Variants in PAK2 observed in about 807,000 individuals in gnomAD.
PAK2 encodes p21 (RAC1) activated kinase 2.
PAK2 carries 21 observed loss-of-function variants against 65.9 expected under a neutral mutation model. That is an observed-to-expected ratio of 0.32 (90% CI 0.23 to 0.46). The LOEUF is 0.46. PAK2 is among the 20% of genes least tolerant of loss of function. PAK2 has a pLI of 1.00. For missense variants in PAK2, 324 were observed against 642.6 expected (o/e 0.50, Z 5.36); for synonymous variants, 204 against 219.7 (o/e 0.93, Z 0.63).
intron 1 of PAK2, among the ~76,000 whole-genome samples, chr3:196,759,511 T>TTG (rs1560092856): frequency 2.0e-5 from 1 of 49,626 alleles, no homozygotes; most frequent in African/African-American, 7.6e-5. Context: ...TTTTTTTTTT[T>TTG]TTTTTTTTTT....
In PAK2 at chr3:196,812,765, G is replaced by T; in HGVS notation, c.849G>T (p.Gln283His). 1 of 1,536,342 alleles carries T rather than the reference G, an allele frequency of 6.5e-7. No homozygotes were observed. The highest frequency in any genetic ancestry group is 9.0e-7 in the Non-Finnish European group (1 of 1,111,692). Residue 283 changes from glutamine to histidine, a missense_variant, in exon 10 of 15, where the codon CAG becomes CAT. By Grantham distance (24) the Gln-to-His change is conservative. Around this residue, in one of 5 missense-constraint regions of PAK2, gnomAD observed 183 missense variants for 246.2 expected, o/e 0.74. Coordinates refer to ENST00000327134, the MANE Select transcript of PAK2 (RefSeq NM_002577.4). ...QEVAIKQINL[Q>H]KQPKKELIIN... is the part of the protein sequence containing the mutation. The stretch of plus-strand genomic sequence containing the variant: ...TTGCTATCAAACAAATTAATTTACA[G>T]AAACAGCCAAAGAAGGAACTGATCA...
chr3:196,820,960 C>T lies in PAK2; in HGVS notation c.1350+393C>T, dbSNP rs1711624020. ...GTTCAAGCGATCCTCCTACTTCAGC[C>T]TCCTGAGTAGCTGGGACTATGGGTG... On this transcript the variant is annotated intron_variant, in intron 13 of 14. Coordinates refer to ENST00000327134, the MANE Select transcript of PAK2 (RefSeq NM_002577.4). The surrounding 1 kb of genome is among the most constrained non-coding windows in gnomAD (Gnocchi z 4.6). 6.6e-6 allele frequency among the ~76,000 whole-genome samples: 1 copy of T among 152,088 alleles called. No homozygotes were observed. The highest frequency in any genetic ancestry group is 2.4e-5 in the African/African-American group (1 of 41,428).
At chr3:196,823,658 G>C (rs149772216) in intron 13 of PAK2, among the ~76,000 whole-genome samples, 1 of 151,928 alleles carries the variant, frequency 6.6e-6, no homozygotes, top group African/African-American at 2.4e-5. Flanking sequence ...TTGAGGTCAG[G>C]AGTTCATGAC....
intron 2 of PAK2, among the ~76,000 whole-genome samples, chr3:196,797,053 A>G (rs1408653429): frequency 7.1e-6 from 1 of 140,984 alleles, no homozygotes; most frequent in Non-Finnish European, 1.5e-5. Flanking sequence ...AAGGATATAA[A>G]AAATTTGAAC....
At chr3:196,814,087 G>C (rs1418360388) in intron 10 of PAK2, among the ~76,000 whole-genome samples, 1 of 152,184 alleles carries the variant, frequency 6.6e-6, no homozygotes, top group Non-Finnish European at 1.5e-5. Flanking sequence ...TTCTGGTTCT[G>C]TCACTTCCTA....
intron 1 of PAK2, among the ~76,000 whole-genome samples, chr3:196,773,120 C>T (rs1384103195): frequency 3.3e-5 from 5 of 152,098 alleles, no homozygotes; most frequent in East Asian, 1.9e-4. Context: ...GTGTTTGAGT[C>T]GTGTCACAGT....
intron 2 of PAK2, among the ~76,000 whole-genome samples, chr3:196,789,970 T>C (rs576127069): frequency 1.3e-5 from 2 of 152,228 alleles, no homozygotes; most frequent in African/African-American, 4.8e-5. Flanking sequence ...GCGGTGGTGC[T>C]CACTCCCCAC....
At chr3:196,781,364 A>G (rs191355497) in intron 1 of PAK2, among the ~76,000 whole-genome samples, 3 of 152,322 alleles carry the variant, frequency 2.0e-5, no homozygotes, top group Admixed American at 6.5e-5. Context: ...GCTGATTTCA[A>G]GTATGTGTCA....
intron 8 of PAK2, among the ~76,000 whole-genome samples, 186 bp downstream of exon 8, chr3:196,810,839 T>G (rs999042830): frequency 9.2e-5 from 14 of 152,228 alleles, no homozygotes; most frequent in Admixed American, 7.9e-4. Context: ...CTGTACTAGT[T>G]GTTAGCAATG....
At chr3:196,808,082 T>C (rs973655573) in intron 7 of PAK2, 168 bp downstream of exon 7, 1 of 575,722 alleles carries the variant, frequency 1.7e-6, no homozygotes, top group African/African-American at 1.9e-5. Context: ...GTCACCAGGT[T>C]CACCCCTAAA....
chr3:196,814,225 C>CA (rs1457725607), intron 10 of PAK2, among the ~76,000 whole-genome samples: 1 of 152,152 alleles, frequency 6.6e-6, no homozygotes, highest in Non-Finnish European at 1.5e-5. Context: ...TGTGCATACT[C>CA]AAACTACAGT....
At chr3:196,824,723 G>C (rs115292920) in intron 13 of PAK2, among the ~76,000 whole-genome samples, 2,776 of 152,050 alleles carry the variant, frequency 0.018, 90 homozygotes, top group African/African-American at 0.064. Flanking sequence ...GTGCACACCT[G>C]TAGTCCCTGC....
At chr3:196,826,906 G>A (rs911834463) in intron 13 of PAK2, among the ~76,000 whole-genome samples, 4 of 151,892 alleles carry the variant, frequency 2.6e-5, no homozygotes, top group Non-Finnish European at 5.9e-5. Flanking sequence ...GGGTGACAGA[G>A]CAAGATTCCG....
intron 2 of PAK2, among the ~76,000 whole-genome samples, chr3:196,801,319 G>T (rs1026372634): frequency 1.3e-5 from 2 of 152,086 alleles, no homozygotes; most frequent in African/African-American, 2.4e-5. Flanking sequence ...GTGCCCGAAG[G>T]GGGTGTCTCT....
chr3:196,760,440 A>G (rs549311847), intron 1 of PAK2, among the ~76,000 whole-genome samples: 4 of 152,074 alleles, frequency 2.6e-5, no homozygotes, highest in African/African-American at 4.8e-5. Flanking sequence ...TAGTAGAGAC[A>G]GTATTTCTCC....
At chr3:196,804,790 A>T (rs566030581) in intron 4 of PAK2, among the ~76,000 whole-genome samples, 1 of 133,122 alleles carries the variant, frequency 7.5e-6, no homozygotes, top group East Asian at 2.2e-4. Context: ...AATATGTGAT[A>T]TGTGTGTGTG....
intron 2 of PAK2, among the ~76,000 whole-genome samples, chr3:196,789,360 A>G (rs368863313): frequency 6.6e-6 from 1 of 152,194 alleles, no homozygotes; most frequent in African/African-American, 2.4e-5. Context: ...TTTCTGATTA[A>G]AAAAATGAAT....
At chr3:196,793,179 C>T (rs79390411) in intron 2 of PAK2, among the ~76,000 whole-genome samples, 17,758 of 151,964 alleles carry the variant, frequency 0.12, 1,076 homozygotes, top group Non-Finnish European at 0.13. Context: ...CCCCATCCTC[C>T]GGAAGGAAAA....
intron 2 of PAK2, among the ~76,000 whole-genome samples, chr3:196,795,747 T>C (rs1256841979): frequency 6.6e-6 from 1 of 152,120 alleles, no homozygotes; most frequent in African/African-American, 2.4e-5. Context: ...GAGTGTATCG[T>C]CAGCAGACAG....
Sources: allele counts gnomAD v4.1 joint callset (sites outside exome capture counted in the v4.1 genomes callset), GRCh38; gene constraint gnomAD v4.1.1; regional missense constraint gnomAD v4.1.1; non-coding constraint Gnocchi (gnomAD v3.1); transcripts MANE v1.5; gene names NCBI Gene and HGNC (gene_info 2026-07-23, HGNC 2026-07-21).